Variants in PITPNA observed in about 807,000 individuals in gnomAD.
The protein encoded by PITPNA is phosphatidylinositol transfer protein alpha, also known as phosphatidylinositol transfer protein alpha isoform.
A neutral mutation model predicts 50.3 loss-of-function variants in PITPNA; 13 were observed. The observed-to-expected ratio is 0.26, with a 90% CI of 0.17 to 0.41. The LOEUF (loss-of-function observed/expected upper bound fraction) is 0.41, where lower values mean the gene tolerates loss of function less well. PITPNA is among the 10% of genes least tolerant of loss of function. The pLI is 1.00. For missense variants in PITPNA, 207 were observed against 333.4 expected (o/e 0.62, Z 2.95); for synonymous variants, 120 against 119.6 (o/e 1.00, Z -0.02).
At chr17:1,560,850 T>A (rs1320364425) in intron 1 of PITPNA, among the ~76,000 whole-genome samples, 1 of 152,180 alleles carries the variant, frequency 6.6e-6, no homozygotes, top group Non-Finnish European at 1.5e-5. Context: ...GGCCTCAAAA[T>A]AATGCTCTTC....
At chr17:1,527,375 C>G (rs1356264041) in intron 10 of PITPNA, among the ~76,000 whole-genome samples, 1 of 152,144 alleles carries the variant, frequency 6.6e-6, no homozygotes, top group Admixed American at 6.5e-5. Context: ...TCCCGAGTAG[C>G]TGGGATTGCA....
At chr17:1,522,120 G>A (rs1042916449) in intron 10 of PITPNA, among the ~76,000 whole-genome samples, 3 of 148,068 alleles carry the variant, frequency 2.0e-5, no homozygotes, top group South Asian at 2.1e-4. Context: ...GCCGGACTGC[G>A]GACTGCAGTG....
chr17:1,552,686 T>C (rs946992963), intron 3 of PITPNA, among the ~76,000 whole-genome samples: 9 of 152,266 alleles, frequency 5.9e-5, no homozygotes, highest in Admixed American at 1.3e-4. Context: ...TGACTAGAAA[T>C]ATGCGTCAAG....
intron 10 of PITPNA, among the ~76,000 whole-genome samples, chr17:1,529,957 G>C (rs928955002): frequency 6.6e-6 from 1 of 152,132 alleles, no homozygotes; most frequent in African/African-American, 2.4e-5. Flanking sequence ...AAGGCCAAGA[G>C]GTACTTGTTC....
chr17:1,536,284 T>G (rs1027365489), intron 7 of PITPNA, among the ~76,000 whole-genome samples: 2 of 151,836 alleles, frequency 1.3e-5, no homozygotes, highest in African/African-American at 4.9e-5. Flanking sequence ...TGAGAAGTTT[T>G]TTTTTTTTTT....
Position 1,519,982 on chromosome 17 carries a change from G to A in PITPNA, c.*579C>T, listed in dbSNP as rs1024197576. 2.6e-5 allele frequency: 4 copies of A among 152,218 alleles called. No individual in the cohort carries two copies. The highest frequency in any genetic ancestry group is 9.7e-5 in the African/African-American group (4 of 41,430). 9.4% of individuals were successfully genotyped at this position (152,218 alleles called of 1,614,324 possible). On this transcript the variant is annotated 3_prime_UTR_variant, in exon 12 of 12. Transcript: ENST00000313486. ...CCTTGGGTACCTCCATAGTGCTAGA[G>A]TGCCCTAACGATGGGTTACTGGGAG...
chr17:1,559,318 C>T, intron 1 of PITPNA, among the ~76,000 whole-genome samples: 2 of 152,218 alleles, frequency 1.3e-5, no homozygotes, highest in East Asian at 3.8e-4. Context: ...CCACCAATTG[C>T]TGGAGATGCC....
chr17:1,536,988 T>C (rs1194698359), intron 7 of PITPNA, among the ~76,000 whole-genome samples: 1 of 145,514 alleles, frequency 6.9e-6, no homozygotes, highest in Non-Finnish European at 1.5e-5. Context: ...AACCTCCGCC[T>C]CCTGAGTTCC....
intron 3 of PITPNA, among the ~76,000 whole-genome samples, chr17:1,551,856 T>C: frequency 6.6e-6 from 1 of 152,104 alleles, no homozygotes; most frequent in South Asian, 2.1e-4. Context: ...ACTGAGGTCC[T>C]GGACCCTCTG....
chr17:1,536,514 C>T (rs1404909302), intron 7 of PITPNA, among the ~76,000 whole-genome samples: 2 of 152,094 alleles, frequency 1.3e-5, no homozygotes, highest in African/African-American at 2.4e-5. Flanking sequence ...TGGTCTCGAT[C>T]TCCTGACCTC....
intron 1 of PITPNA, chr17:1,559,418 A>G (rs73298816): frequency 0.32 from 48,461 of 152,216 alleles, 8,400 homozygotes; most frequent in African/African-American, 0.45. Context: ...GCACTTCTCC[A>G]GGTGCCGTGC....
intron 3 of PITPNA, among the ~76,000 whole-genome samples, 186 bp from the exon 4 acceptor site, chr17:1,548,573 C>T (rs1376971609): frequency 6.6e-6 from 1 of 152,122 alleles, no homozygotes; most frequent in East Asian, 1.9e-4. Context: ...TCCTAACACA[C>T]ACCCACGACG....
intron 2 of PITPNA, among the ~76,000 whole-genome samples, chr17:1,553,522 A>G (rs2075720036): frequency 6.6e-6 from 1 of 152,126 alleles, no homozygotes; most frequent in Non-Finnish European, 1.5e-5. Flanking sequence ...GATTATAAGC[A>G]TGAGCCACCG....
chr17:1,546,914 A>G (rs541246222), intron 4 of PITPNA, among the ~76,000 whole-genome samples: 11 of 152,342 alleles, frequency 7.2e-5, no homozygotes, highest in Non-Finnish European at 8.8e-5. Context: ...TTATACCTGT[A>G]TCCTCAATTA....
chr17:1,532,426 ACTCT>A (rs2151004905), intron 10 of PITPNA, among the ~76,000 whole-genome samples: 1 of 152,208 alleles, frequency 6.6e-6, no homozygotes, highest in East Asian at 1.9e-4. Flanking sequence ...TTAAAAAATA[ACTCT>A]CTAACACTGA....
At chr17:1,545,047 A>G (rs995647067) in intron 4 of PITPNA, among the ~76,000 whole-genome samples, 2 of 151,152 alleles carry the variant, frequency 1.3e-5, no homozygotes, top group Non-Finnish European at 2.9e-5. Flanking sequence ...GTGATACTGT[A>G]TCCAGCCGAG....
chr17:1,550,652 C>T (rs913238993), intron 3 of PITPNA, among the ~76,000 whole-genome samples: 2 of 152,078 alleles, frequency 1.3e-5, no homozygotes, highest in Admixed American at 6.6e-5. Flanking sequence ...CCTCAGCCTC[C>T]CAAGTAGCTG....
At chr17:1,554,823 C>T (rs2075727308) in intron 2 of PITPNA, among the ~76,000 whole-genome samples, 1 of 152,168 alleles carries the variant, frequency 6.6e-6, no homozygotes, top group Admixed American at 6.5e-5. Flanking sequence ...TGAAAAGGGG[C>T]AGCAATCGAG....
intron 10 of PITPNA, 21 bp from the exon 11 acceptor site, chr17:1,521,666 C>G (rs772535832): frequency 1.1e-5 from 18 of 1,605,564 alleles, no homozygotes; most frequent in South Asian, 5.5e-5. Context: ...AAAAGCAGGA[C>G]AAATGGAAGG....
Sources: allele counts gnomAD v4.1 joint callset (sites outside exome capture counted in the v4.1 genomes callset), GRCh38; gene constraint gnomAD v4.1.1; transcripts MANE v1.5; gene names NCBI Gene and HGNC (gene_info 2026-07-23, HGNC 2026-07-21).